Variants in OLFM1 observed in about 807,000 individuals in gnomAD.
The protein encoded by OLFM1 is noelin.
In OLFM1, 9 loss-of-function variants were observed where a neutral mutation model predicts 49.7. The ratio of observed to expected loss-of-function variants is 0.18; its 90% CI spans 0.11 to 0.32. The LOEUF is 0.32. Ranked by LOEUF, OLFM1 falls within the 10% of genes least tolerant of loss-of-function variation. The probability of loss-of-function intolerance (pLI) is 1.00; values close to 1 mark genes in which losing one functional copy is unlikely to be tolerated. For synonymous variants in OLFM1, 240 were observed against 271.8 expected (o/e 0.88, Z 1.15); for missense variants, 369 against 661.8 (o/e 0.56, Z 4.85).
chr9:135,091,562 C>T (rs1373736537), intron 2 of OLFM1, among the ~76,000 whole-genome samples: 1 of 76,034 alleles, frequency 1.3e-5, no homozygotes, highest in Non-Finnish European at 2.4e-5. Flanking sequence ...CACTCATAGT[C>T]ACACACACAC....
At chr9:135,076,590 C>T (rs1830469217) in intron 1 of OLFM1, 4 of 1,072,052 alleles carry the variant, frequency 3.7e-6, no homozygotes, top group Non-Finnish European at 1.3e-6. Flanking sequence ...GTTGCTTTGG[C>T]ACTATGGTGC....
intron 1 of OLFM1, among the ~76,000 whole-genome samples, chr9:135,089,531 G>C (rs1358552333): frequency 6.6e-6 from 1 of 152,200 alleles, no homozygotes; most frequent in Non-Finnish European, 1.5e-5. Flanking sequence ...CATGTCACCA[G>C]CAATTTGGCG....
In OLFM1 at chr9:135,106,760, T is replaced by C; in HGVS notation, c.688T>C (p.Leu230=). The C allele has an allele frequency of 6.2e-7, 1 of 1,613,606 alleles. No individual in the cohort carries two copies. The change falls in exon 5 of 6, where the codon TTG becomes CTG. Residue 230 remains leucine, a synonymous_variant. Coordinates refer to ENST00000371793, the MANE Select transcript of OLFM1 (RefSeq NM_001282611.2). ...ACMQKLACGK[L]TGISDPVTVK... is the part of the protein sequence containing the mutation. ...GTGCTCTTTTCCAGCTTGCGGGAAG[T>C]TGACGGGCATCAGTGACCCCGTGAC...
At chr9:135,097,904 T>G in intron 3 of OLFM1, 1 of 1,551,410 alleles carries the variant, frequency 6.4e-7, no homozygotes, top group Non-Finnish European at 8.7e-7. Flanking sequence ...TTTCCAATAC[T>G]TAGCACCATT....
At position 135,099,492 on chromosome 9, in the gene OLFM1, CT is replaced by C. The variant is rs750694349; in HGVS notation, c.676+988del. On this transcript the variant is annotated intron_variant, in intron 4 of 5. Transcript: ENST00000371793. ...CAAAAAGAACACTTTAAAAAAAAAC[CT>C]CTAATGTTAGTCAGGTGAAGAGAGA... Among the ~76,000 whole-genome samples, 10 of 152,176 alleles carry C rather than the reference CT, an allele frequency of 6.6e-5. No individual in the cohort carries two copies. In the South Asian group the frequency reaches 1.0e-3, roughly 16 times the overall value.
intron 5 of OLFM1, among the ~76,000 whole-genome samples, chr9:135,107,636 G>A (rs909622751): frequency 4.6e-5 from 7 of 152,224 alleles, no homozygotes; most frequent in Admixed American, 1.3e-4. Flanking sequence ...TCAGGGCTTC[G>A]CTGTCCCTTG....
At chr9:135,116,755 AG>A (rs1471781773) in intron 5 of OLFM1, among the ~76,000 whole-genome samples, 3 of 151,918 alleles carry the variant, frequency 2.0e-5, no homozygotes, top group Admixed American at 6.6e-5. Context: ...AGTGTCATTA[AG>A]GGGGTTTCAG....
At chr9:135,100,244 TAG>T (rs769469627) in intron 4 of OLFM1, among the ~76,000 whole-genome samples, 1 of 152,104 alleles carries the variant, frequency 6.6e-6, no homozygotes, top group Non-Finnish European at 1.5e-5. Flanking sequence ...AAGTTGCAAA[TAG>T]TGAGAAGCCA....
intron 2 of OLFM1, among the ~76,000 whole-genome samples, chr9:135,091,667 T>TCA (rs879553596): frequency 0.13 from 2,411 of 19,246 alleles, 360 homozygotes; most frequent in Middle Eastern, 0.22. Context: ...ACACACACAG[T>TCA]CACACACTCA....
chr9:135,081,639 G>C (rs376014434), intron 1 of OLFM1, among the ~76,000 whole-genome samples: 22 of 152,182 alleles, frequency 1.4e-4, no homozygotes, highest in Non-Finnish European at 2.1e-4. Flanking sequence ...CCCTGTGCCC[G>C]TTAAATGTCT....
Position 135,094,133 on chromosome 9 carries a change from GC to G in OLFM1, c.301-1729del, listed in dbSNP as rs1328338074. Among the ~76,000 whole-genome samples, 3 of 152,054 alleles carry G rather than the reference GC, an allele frequency of 2.0e-5. No homozygotes were observed. In the East Asian group the frequency reaches 5.8e-4, roughly 29 times the overall value. On this transcript the variant is annotated intron_variant, in intron 2 of 5. Transcript: ENST00000371793. ...AATGGAGAGAGGGGTCTGGACTGGC[GC>G]CGCCATTTGTATTGTTGCTTCCTCC...
chr9:135,087,452 G>A (rs1190165785), upstream of OLFM1: 2 of 1,539,918 alleles, frequency 1.3e-6, no homozygotes, highest in African/African-American at 2.8e-5. Flanking sequence ...GGTATTTTAT[G>A]ATCTGGGGGT....
intron 5 of OLFM1, 37 bp downstream of exon 5, chr9:135,106,892 C>A: frequency 1.3e-6 from 2 of 1,516,034 alleles, no homozygotes; most frequent in Non-Finnish European, 1.8e-6. Context: ...GTCATTTGGG[C>A]AAGGGCGCTC....
chr9:135,094,941 G>GA (rs1830766509), intron 2 of OLFM1: 1 of 152,186 alleles, frequency 6.6e-6, no homozygotes. Flanking sequence ...TAGATTCTGA[G>GA]AAAATGACCC....
At chr9:135,114,087 G>A (rs1202080630) in intron 5 of OLFM1, among the ~76,000 whole-genome samples, 1 of 146,976 alleles carries the variant, frequency 6.8e-6, no homozygotes, top group African/African-American at 2.5e-5. Context: ...TGGATTTAGG[G>A]CCCACCTTCA....
At chr9:135,077,374 G>A in intron 1 of OLFM1, 3 of 1,059,446 alleles carry the variant, frequency 2.8e-6, no homozygotes, top group Non-Finnish European at 3.7e-6. Context: ...CAGGCCAAAA[G>A]ATGCTTTTCC....
In OLFM1 at chr9:135,077,666, C is replaced by G. The variant is rs933978679; in HGVS notation, c.96+1864C>G. On this transcript the variant is annotated intron_variant, in intron 1 of 5. Transcript: ENST00000252854. ...AAATGCTGCTGTTTTCTTTGCTGGC[C>G]TGGCATGTTCCTCTCTCTGAAGCTG... 3.3e-5 allele frequency among the ~76,000 whole-genome samples: 5 copies of G among 152,200 alleles called. No individual in the cohort carries two copies. The East Asian group carries it at 9.6e-4, about 29-fold the overall frequency.
chr9:135,089,148 C>T (rs1001888918), intron 1 of OLFM1, among the ~76,000 whole-genome samples: 1 of 152,208 alleles, frequency 6.6e-6, no homozygotes, highest in Non-Finnish European at 1.5e-5. Flanking sequence ...CTCTTGAGGC[C>T]GCCCTCCCTG....
chr9:135,102,039 C>T (rs184727541), intron 4 of OLFM1, among the ~76,000 whole-genome samples: 2 of 152,356 alleles, frequency 1.3e-5, no homozygotes, highest in Admixed American at 1.3e-4. Context: ...TTTTGTTTCA[C>T]TGGAACGCGT....
Sources: gnomAD v4.1 joint callset for allele counts (sites outside exome capture counted in the v4.1 genomes callset) on GRCh38, gnomAD v4.1.1 for gene constraint, MANE v1.5 for transcripts, NCBI Gene and HGNC (gene_info 2026-07-23, HGNC 2026-07-21) for gene names.